The following CHD6 variants were observed in gnomAD, a reference collection of about 807,000 sequenced individuals.
CHD6 encodes the protein ATP-dependent chromatin remodeler CHD6.
CHD6 carries 50 observed loss-of-function variants against 276.9 expected under a neutral mutation model. The ratio of observed to expected loss-of-function variants is 0.18; its 90% CI spans 0.14 to 0.23. CHD6 has a LOEUF of 0.23. Among genes scored for constraint, CHD6 ranks in the 10% least tolerant of loss-of-function variants. The pLI, the probability that CHD6 is intolerant of heterozygous loss-of-function variation, is 1.00. For missense variants in CHD6, 2,564 were observed against 3,365.8 expected, an observed-to-expected ratio of 0.76 and a Z score of 5.89; for synonymous variants, 1,173 against 1,229.3, an observed-to-expected ratio of 0.95 and a Z score of 0.96.
chr20:41,417,250 A>G lies in CHD6; in HGVS notation c.6227T>C (p.Ile2076Thr), dbSNP rs200124650. Residue 2076 changes from isoleucine to threonine, a missense_variant, in exon 32 of 37, where the codon ATT becomes ACT. By Grantham distance (89) the Ile-to-Thr change is moderately conservative (BLOSUM62 -1). Coordinates refer to ENST00000373233, the MANE Select transcript of CHD6 (RefSeq NM_032221.5). ...AGTTTTCTCCTGTAGCAGCTGAGCA[A>G]TAGTGGGAGCTCGAGCCTCCTGTAG... ...DELQEARAPT[I>T]AQLLQEKTLY... 2 of 1,614,170 alleles carry G rather than the reference A, an allele frequency of 1.2e-6. No individual in the cohort carries two copies. The highest frequency in any genetic ancestry group is 1.7e-5 in the Admixed American group (1 of 60,016).
At chr20:41,412,381 C>T (rs1168440942) in intron 35 of CHD6, 118 bp from the exon 36 acceptor site, 3 of 1,202,406 alleles carry the variant, frequency 2.5e-6, no homozygotes. Context: ...TGCACAGGAG[C>T]TGGCCAGGTT....
intron 26 of CHD6, among the ~76,000 whole-genome samples, chr20:41,439,375 T>C (rs1033592323): frequency 2.0e-5 from 3 of 151,886 alleles, no homozygotes; most frequent in Non-Finnish European, 4.4e-5. Flanking sequence ...AAAAAAGCTA[T>C]GTTTTCAAAA....
At position 41,533,468 on chromosome 20, in the gene CHD6, C is replaced by T. The variant is rs775880254; in HGVS notation, c.136G>A (p.Glu46Lys). The part of the protein sequence containing the change: ...SPFDCSTDQE[E>K]KIEDVASHCL... ...TGACTAGCAACATCTTCAATTTTCT[C>T]TTCTTGATCAGTGCTGCAGTCAAAT... The change falls in exon 3 of 37, where the codon GAG becomes AAG. Residue 46 changes from glutamate (E) to lysine (K), a missense_variant. Physicochemically the swap from Glu to Lys is moderately conservative, Grantham distance 56. Coordinates refer to ENST00000373233, the MANE Select transcript of CHD6 (RefSeq NM_032221.5). The T allele has an allele frequency of 6.2e-7, 1 of 1,614,164 alleles. No individual in the cohort carries two copies. Among genetic ancestry groups the T allele is most frequent in the Non-Finnish European group, 8.5e-7 (1 of 1,180,038 alleles).
At chr20:41,503,045 C>A (rs2043875547) in intron 5 of CHD6, among the ~76,000 whole-genome samples, 1 of 152,078 alleles carries the variant, frequency 6.6e-6, no homozygotes. Context: ...CAAAACAAAA[C>A]CCATATGTGC....
intron 1 of CHD6, among the ~76,000 whole-genome samples, chr20:41,584,842 T>C (rs975626356): frequency 6.6e-6 from 1 of 152,096 alleles, no homozygotes; most frequent in Admixed American, 6.6e-5. Context: ...AAAGCTTGTA[T>C]TAGGGAAGAA....
intron 1 of CHD6, among the ~76,000 whole-genome samples, chr20:41,567,620 G>C (rs1042345718): frequency 6.6e-6 from 1 of 152,048 alleles, no homozygotes. Context: ...AAAAAAAAAG[G>C]GGGTGAGCAT....
intron 2 of CHD6, among the ~76,000 whole-genome samples, chr20:41,546,743 T>C (rs544691657): frequency 3.0e-3 from 459 of 152,352 alleles, no homozygotes; most frequent in Middle Eastern, 0.017. Flanking sequence ...TTAGTCATCT[T>C]AAGAATTAAA....
intron 1 of CHD6, among the ~76,000 whole-genome samples, chr20:41,594,402 CT>C (rs1280683537): frequency 6.6e-6 from 1 of 152,222 alleles, no homozygotes; most frequent in East Asian, 1.9e-4. Context: ...TACTGCAGGT[CT>C]CTGAAGACAT....
chr20:41,568,780 C>T (rs186361097), intron 1 of CHD6, among the ~76,000 whole-genome samples: 165 of 152,308 alleles, frequency 1.1e-3, no homozygotes, highest in Admixed American at 4.2e-3. Flanking sequence ...AAACCTACTT[C>T]CACATCCTAC....
At chr20:41,444,591 T>C (rs938818692) in intron 25 of CHD6, among the ~76,000 whole-genome samples, 1 of 152,192 alleles carries the variant, frequency 6.6e-6, no homozygotes, top group Non-Finnish European at 1.5e-5. Context: ...ATAGGCATGG[T>C]TGTTACTTAA....
chr20:41,417,200 T>C lies in CHD6; in HGVS notation c.6277A>G (p.Lys2093Glu), dbSNP rs772501764. 3.1e-6 allele frequency: 5 copies of C among 1,612,496 alleles called. No homozygotes were observed. In the East Asian group the frequency reaches 8.9e-5, roughly 29 times the overall value. Reference protein sequence around the residue: ...KTLYSFSEWPKDRVIINRLDN... With the variant: ...KTLYSFSEWPEDRVIINRLDN... ...GGGAAACGCAAGCTCTGGGGTACCT[T>C]TGGCCACTCAGAGAAGGAATAGAGA... is the stretch of plus-strand genomic sequence containing the variant. Residue 2093 changes from lysine to glutamate, a missense_variant and splice_region_variant, in exon 32 of 37, where the codon AAG (lysine) becomes GAG (glutamate). By Grantham distance (56) the Lys-to-Glu change is moderately conservative. Transcript: ENST00000373233.
At chr20:41,536,356 G>A (rs1363725193) in intron 2 of CHD6, among the ~76,000 whole-genome samples, 1 of 152,168 alleles carries the variant, frequency 6.6e-6, no homozygotes, top group African/African-American at 2.4e-5. Flanking sequence ...TAAAAAACTC[G>A]TTTCTGTGAT....
intron 1 of CHD6, among the ~76,000 whole-genome samples, chr20:41,603,854 G>C (rs2045798766): frequency 1.3e-5 from 2 of 152,170 alleles, no homozygotes; most frequent in African/African-American, 4.8e-5. Flanking sequence ...GGGCAAAAGA[G>C]CAAGACTCAG....
Position 41,473,007 on chromosome 20 carries a change from A to G in CHD6, c.2664+315T>C, listed in dbSNP as rs1010304. On this transcript the variant is annotated intron_variant, in intron 17 of 36. Coordinates refer to ENST00000373233, the MANE Select transcript of CHD6 (RefSeq NM_032221.5). This position sits in a 1 kb window ranked among gnomAD's most constrained non-coding sequence, Gnocchi z 4.1. ...AAATGCCCGAATCGTCTACATATCA[A>G]GAATTAGAGCATTAGTCAAGATTAG... 41,493 of 230,180 alleles carry G rather than the reference A, an allele frequency of 0.18. 7,909 individuals are homozygous for G. The highest frequency in any genetic ancestry group is 0.54 in the African/African-American group (24,047 of 44,304). The allele number at this position is 230,180 out of a possible 1,614,324, so 14.3% of individuals were successfully genotyped here. A position where few individuals can be genotyped will look rare whatever the true frequency, so the allele number is the denominator to read the frequency against.
rs373733112 is a variant in CHD6 at position 41,580,645 on chromosome 20, C to CA, written c.-23-29286dup. On this transcript the variant is annotated intron_variant, in intron 1 of 36. Coordinates refer to ENST00000373233, the MANE Select transcript of CHD6 (RefSeq NM_032221.5). ...TGGGTGACACAGTGAAACCCAGTCT[C>CA]AAAAAAAAAAAAAAAAAGGAAAAGA... 7.1e-3 allele frequency among the ~76,000 whole-genome samples: 494 copies of CA among 69,096 alleles called. 3 individuals are homozygous for CA. The highest frequency in any genetic ancestry group is 9.3e-3 in the African/African-American group (152 of 16,260). The allele number at this position is 69,096 out of a possible 152,430, so 45.3% of individuals were successfully genotyped here. A position where few individuals can be genotyped will look rare whatever the true frequency, so the allele number is the denominator to read the frequency against.
intron 36 of CHD6, among the ~76,000 whole-genome samples, chr20:41,406,423 G>GA (rs2046676399): frequency 6.6e-6 from 1 of 152,204 alleles, no homozygotes; most frequent in South Asian, 2.1e-4. Context: ...AACCCATCAG[G>GA]ATGGCTGAGC....
At chr20:41,601,608 T>G (rs1179346120) in intron 1 of CHD6, among the ~76,000 whole-genome samples, 1 of 152,176 alleles carries the variant, frequency 6.6e-6, no homozygotes, top group Non-Finnish European at 1.5e-5. Flanking sequence ...CCAGAAGCAG[T>G]GGGTTCACTC....
intron 33 of CHD6, 49 bp downstream of exon 33, chr20:41,416,539 C>T: frequency 6.6e-7 from 1 of 1,518,594 alleles, no homozygotes; most frequent in Non-Finnish European, 9.0e-7. Flanking sequence ...AGACGTGGAA[C>T]ACGCCCACCA....
intron 20 of CHD6, 118 bp downstream of exon 20, chr20:41,454,508 C>T (rs905463836): frequency 6.7e-6 from 5 of 747,930 alleles, no homozygotes; most frequent in East Asian, 2.6e-5. Flanking sequence ...AAGCATGGTA[C>T]AAATACCATT....
Sources: allele counts gnomAD v4.1 joint callset (sites outside exome capture counted in the v4.1 genomes callset), GRCh38; gene constraint gnomAD v4.1.1; non-coding constraint Gnocchi (gnomAD v3.1); transcripts MANE v1.5; gene names NCBI Gene and HGNC (gene_info 2026-07-23, HGNC 2026-07-21).